TMTC2: variants seen among roughly 807,000 people sequenced by gnomAD.
TMTC2 encodes transmembrane O-mannosyltransferase targeting cadherins 2, also known as protein O-mannosyl-transferase TMTC2.
In TMTC2, 43 loss-of-function variants were observed where a neutral mutation model predicts 82.4. The ratio of observed to expected loss-of-function variants is 0.52; its 90% CI spans 0.41 to 0.67. TMTC2 has a LOEUF of 0.67. Ranked by LOEUF, TMTC2 falls within the 30% of genes least tolerant of loss-of-function variation. The pLI is 0.00. For synonymous variants in TMTC2, 408 were observed against 381.9 expected, an observed-to-expected ratio of 1.07 and a Z score of -0.80; for missense variants, 919 against 1,012.4, an observed-to-expected ratio of 0.91 and a Z score of 1.25.
chr12:82,761,132 G>A (rs1565738458), intron 1 of TMTC2, among the ~76,000 whole-genome samples: 1 of 152,104 alleles, frequency 6.6e-6, no homozygotes, highest in Admixed American at 6.5e-5. Flanking sequence ...GGAGTGTGGG[G>A]TTTAGTCTCA....
intron 1 of TMTC2, among the ~76,000 whole-genome samples, chr12:82,701,086 C>G (rs1873053796): frequency 6.6e-6 from 1 of 152,028 alleles, no homozygotes; most frequent in South Asian, 2.1e-4. Context: ...ATTATGGGAG[C>G]TACAATTCAA....
At chr12:82,710,281 T>A (rs765298472) in intron 1 of TMTC2, among the ~76,000 whole-genome samples, 6 of 152,256 alleles carry the variant, frequency 3.9e-5, no homozygotes, top group Non-Finnish European at 5.9e-5. Context: ...TCTTGTTGGC[T>A]GTGCTCTAAT....
intron 10 of TMTC2, among the ~76,000 whole-genome samples, chr12:83,061,307 C>A (rs1360799971): frequency 1.3e-5 from 2 of 151,754 alleles, no homozygotes; most frequent in Non-Finnish European, 2.9e-5. Flanking sequence ...AAGTTCCCTC[C>A]ATACTGGAAA....
intron 7 of TMTC2, among the ~76,000 whole-genome samples, chr12:82,981,671 G>A (rs1878924802): frequency 1.3e-5 from 2 of 151,756 alleles, no homozygotes; most frequent in South Asian, 4.2e-4. Flanking sequence ...ATTATTGTAA[G>A]TTAAGAAAAA....
intron 1 of TMTC2, among the ~76,000 whole-genome samples, chr12:82,788,814 C>T (rs1878313801): frequency 6.6e-6 from 1 of 152,098 alleles, no homozygotes; most frequent in Admixed American, 6.5e-5. Flanking sequence ...AAGTTCTAAA[C>T]TCCTGCAGCT....
At chr12:82,737,357 G>C (rs896972327) in intron 1 of TMTC2, among the ~76,000 whole-genome samples, 1 of 152,070 alleles carries the variant, frequency 6.6e-6, no homozygotes, top group Non-Finnish European at 1.5e-5. Context: ...TGACACCACT[G>C]TGAGAGTAAT....
chr12:82,904,575 T>C (rs1228868980), intron 3 of TMTC2, among the ~76,000 whole-genome samples: 3 of 152,234 alleles, frequency 2.0e-5, no homozygotes, highest in Non-Finnish European at 4.4e-5. Context: ...TTGATTACTG[T>C]AGTTTGCTGA....
intron 1 of TMTC2, among the ~76,000 whole-genome samples, chr12:82,816,350 A>G (rs1239743668): frequency 6.6e-6 from 1 of 152,088 alleles, no homozygotes; most frequent in Non-Finnish European, 1.5e-5. Flanking sequence ...AAAATTGAAG[A>G]TATCCATTTG....
At chr12:82,952,902 T>C (rs1877421672) in intron 4 of TMTC2, among the ~76,000 whole-genome samples, 1 of 152,124 alleles carries the variant, frequency 6.6e-6, no homozygotes, top group South Asian at 2.1e-4. Flanking sequence ...ACACGAATAA[T>C]GCATATGGCA....
At chr12:83,092,027 G>C (rs150966709) in intron 11 of TMTC2, among the ~76,000 whole-genome samples, 1 of 152,298 alleles carries the variant, frequency 6.6e-6, no homozygotes, top group Non-Finnish European at 1.5e-5. Context: ...GGGGGTGAGA[G>C]AGTAAGTACC....
At chr12:82,761,395 G>A (rs1174317817) in intron 1 of TMTC2, among the ~76,000 whole-genome samples, 1 of 152,218 alleles carries the variant, frequency 6.6e-6, no homozygotes, top group African/African-American at 2.4e-5. Flanking sequence ...GGGTGGGGAT[G>A]AGTACAGTGT....
chr12:82,846,125 G>T (rs915333499), intron 1 of TMTC2, among the ~76,000 whole-genome samples: 1 of 152,034 alleles, frequency 6.6e-6, no homozygotes, highest in Non-Finnish European at 1.5e-5. Context: ...TTGGGAGGCC[G>T]AGGCAGGCAG....
intron 11 of TMTC2, among the ~76,000 whole-genome samples, chr12:83,077,058 C>G (rs1020748162): frequency 6.6e-6 from 1 of 152,104 alleles, no homozygotes; most frequent in African/African-American, 2.4e-5. Flanking sequence ...GGGGTCAAGA[C>G]TATTGTGATA....
intron 11 of TMTC2, among the ~76,000 whole-genome samples, chr12:83,075,893 T>C (rs974417752): frequency 6.6e-6 from 1 of 152,238 alleles, no homozygotes; most frequent in Non-Finnish European, 1.5e-5. Context: ...GACTTCTCTC[T>C]TCTGACATTT....
chr12:82,964,189 T>TG (rs987093888), intron 4 of TMTC2, among the ~76,000 whole-genome samples: 2 of 151,724 alleles, frequency 1.3e-5, no homozygotes, highest in African/African-American at 4.8e-5. Context: ...TACAAGAGAA[T>TG]GGGGATAGGC....
At chr12:82,903,068 GC>G (rs1430082585) in intron 3 of TMTC2, among the ~76,000 whole-genome samples, 3 of 152,106 alleles carry the variant, frequency 2.0e-5, no homozygotes, top group Admixed American at 2.0e-4. Context: ...GTAAGCTCCT[GC>G]CGCAGAGCTT....
intron 8 of TMTC2, among the ~76,000 whole-genome samples, chr12:83,018,184 C>T (rs1052590492): frequency 1.3e-5 from 2 of 152,182 alleles, no homozygotes; most frequent in East Asian, 1.9e-4. Context: ...TCCCATCATC[C>T]GCTACCTTTT....
chr12:82,859,108 G>GC (rs2137118472), intron 2 of TMTC2, among the ~76,000 whole-genome samples: 1 of 145,558 alleles, frequency 6.9e-6, no homozygotes, highest in South Asian at 2.2e-4. Flanking sequence ...TCACACTGTC[G>GC]CCAGGCTGGA....
chr12:82,710,944 G>A (rs932544746), intron 1 of TMTC2, among the ~76,000 whole-genome samples: 1 of 152,112 alleles, frequency 6.6e-6, no homozygotes, highest in Non-Finnish European at 1.5e-5. Context: ...ATAATGAATC[G>A]TATAGCCTCT....
Sources: allele counts gnomAD v4.1 joint callset (sites outside exome capture counted in the v4.1 genomes callset), GRCh38; gene constraint gnomAD v4.1.1; transcripts MANE v1.5; gene names NCBI Gene and HGNC (gene_info 2026-07-23, HGNC 2026-07-21).